The following SMCO2 variants were observed in gnomAD, a reference collection of about 807,000 sequenced individuals.
SMCO2 encodes single-pass membrane and coiled-coil domain-containing protein 2.
In SMCO2, 25 loss-of-function variants were observed where a neutral mutation model predicts 29.5. The ratio of observed to expected loss-of-function variants is 0.85; its 90% CI spans 0.62 to 1.18. The LOEUF is 1.18. SMCO2 is among the 50% of genes most tolerant of loss of function. The pLI, the probability that SMCO2 is intolerant of heterozygous loss-of-function variation, is 0.00. For missense variants in SMCO2, 348 were observed against 344.5 expected (o/e 1.01, Z -0.08); for synonymous variants, 117 against 123.3 (o/e 0.95, Z 0.34).
intron 7 of SMCO2, chr12:27,497,979 G>T (rs1340809425): frequency 3.2e-6 from 1 of 313,082 alleles, no homozygotes; most frequent in East Asian, 8.7e-5. Context: ...TTTAATATAT[G>T]TTCAGATGAA....
At chr12:27,470,838 C>A in intron 2 of SMCO2, 73 bp downstream of exon 2, 12 of 1,476,820 alleles carry the variant, frequency 8.1e-6, no homozygotes, top group Non-Finnish European at 1.0e-5. Flanking sequence ...CAGCGGTATG[C>A]AAACGATGAG....
At chr12:27,495,572 A>C in intron 6 of SMCO2, 108 bp from the exon 8 acceptor site, 2 of 1,059,284 alleles carry the variant, frequency 1.9e-6, no homozygotes, top group South Asian at 5.9e-5. Flanking sequence ...GTGATTTCTA[A>C]TGTGGGCCCC....
At chr12:27,433,750 C>A in the SMCO2 span, among the ~76,000 whole-genome samples, 1 of 152,234 alleles carries the variant, frequency 6.6e-6, no homozygotes, top group Non-Finnish European at 1.5e-5. Flanking sequence ...CTTAGGCCTA[C>A]TGCCTAGAGG....
the SMCO2 span, among the ~76,000 whole-genome samples, chr12:27,443,511 G>T: frequency 6.6e-6 from 1 of 152,126 alleles, no homozygotes; most frequent in Non-Finnish European, 1.5e-5. Context: ...GGAAAGTCCT[G>T]GCCAGAGTAA....
chr12:27,442,447 T>G, the SMCO2 span, among the ~76,000 whole-genome samples: 1 of 152,248 alleles, frequency 6.6e-6, no homozygotes, highest in Admixed American at 6.5e-5. Context: ...ATTGGAAACC[T>G]AGAAGAAACA....
At chr12:27,501,415 C>CAAAAAAAAAA (rs540673188) in intron 7 of SMCO2, among the ~76,000 whole-genome samples, 25 of 85,870 alleles carry the variant, frequency 2.9e-4, no homozygotes, top group African/African-American at 8.1e-4. Flanking sequence ...GACTCCGTCT[C>CAAAAAAAAAA]AAAAAAAAAA....
intron 7 of SMCO2, among the ~76,000 whole-genome samples, chr12:27,499,749 C>T (rs1943055235): frequency 6.6e-6 from 1 of 150,754 alleles, no homozygotes; most frequent in African/African-American, 2.5e-5. Flanking sequence ...AAATTTTGCC[C>T]ATCTCTTGTT....
chr12:27,479,154 G>A (rs951935719), intron 4 of SMCO2, among the ~76,000 whole-genome samples: 2 of 152,010 alleles, frequency 1.3e-5, no homozygotes, highest in Non-Finnish European at 2.9e-5. Flanking sequence ...CAGTGGTGCT[G>A]ATAAGTGGGA....
At chr12:27,468,219 A>G (rs1419110376) in intron 1 of SMCO2, among the ~76,000 whole-genome samples, 2 of 152,206 alleles carry the variant, frequency 1.3e-5, no homozygotes, top group Non-Finnish European at 2.9e-5. Flanking sequence ...ACTGCATTCA[A>G]CTGATGGATC....
chr12:27,455,189 G>T, the SMCO2 span, among the ~76,000 whole-genome samples: 2 of 152,142 alleles, frequency 1.3e-5, no homozygotes, highest in East Asian at 3.8e-4. Context: ...TTTCATGGGA[G>T]AATCCAGGAG....
At chr12:27,434,855 T>G in the SMCO2 span, among the ~76,000 whole-genome samples, 1 of 152,280 alleles carries the variant, frequency 6.6e-6, no homozygotes, top group East Asian at 1.9e-4. Flanking sequence ...CATGGGCAGC[T>G]GCAGTGACTG....
chr12:27,482,831 A>G (rs118101295), intron 4 of SMCO2, among the ~76,000 whole-genome samples: 1,869 of 152,262 alleles, frequency 0.012, 14 homozygotes, highest in South Asian at 0.031. Flanking sequence ...GGCTCAAGCA[A>G]TCCTTCCACC....
chr12:27,472,461 A>C (rs1227344476), intron 2 of SMCO2, among the ~76,000 whole-genome samples: 1 of 152,136 alleles, frequency 6.6e-6, no homozygotes, highest in East Asian at 1.9e-4. Context: ...ACAGGATATT[A>C]ATTTACTTAT....
chr12:27,501,260 CA>C (rs1232868958), intron 7 of SMCO2, among the ~76,000 whole-genome samples: 2 of 147,588 alleles, frequency 1.4e-5, no homozygotes, highest in African/African-American at 5.2e-5. Context: ...ACTAAAAATA[CA>C]AAAAATTAGC....
the SMCO2 span, among the ~76,000 whole-genome samples, chr12:27,457,351 C>A: frequency 6.6e-6 from 1 of 152,138 alleles, no homozygotes; most frequent in Non-Finnish European, 1.5e-5. Flanking sequence ...CTCATTGGGG[C>A]CCCCAAATTA....
intron 3 of SMCO2, 198 bp downstream of exon 3, chr12:27,473,073 T>C (rs1592205281): frequency 2.0e-6 from 1 of 503,790 alleles, no homozygotes; most frequent in East Asian, 3.2e-5. Context: ...TGTTACCACA[T>C]GAAGGACTTA....
At chr12:27,452,017 G>A in the SMCO2 span, among the ~76,000 whole-genome samples, 9,844 of 152,166 alleles carry the variant, frequency 0.065, 933 homozygotes, top group African/African-American at 0.21. Flanking sequence ...AATAAATTCA[G>A]TCATAGTTAA....
intron 2 of SMCO2, 135 bp from the exon 3 acceptor site, chr12:27,472,641 T>G: frequency 1.8e-6 from 1 of 552,396 alleles, no homozygotes; most frequent in East Asian, 2.9e-5. Context: ...CAGAAAGAAC[T>G]CAGTACAAGG....
At chr12:27,462,431 A>C (rs1949465694), upstream of SMCO2, among the ~76,000 whole-genome samples, 2 of 152,248 alleles carry the variant, frequency 1.3e-5, no homozygotes, top group Non-Finnish European at 2.9e-5. Flanking sequence ...TCCCAGATGT[A>C]CAATGAATAA....
Sources: gnomAD v4.1 joint callset for allele counts (sites outside exome capture counted in the v4.1 genomes callset) on GRCh38, gnomAD v4.1.1 for gene constraint, MANE v1.5 for transcripts, NCBI Gene and HGNC (gene_info 2026-07-23, HGNC 2026-07-21) for gene names.